Variants in NELL1 observed in about 807,000 individuals in gnomAD.
NELL1 encodes neural EGFL like 1.
Under a neutral mutation model 107.4 loss-of-function variants are expected in NELL1, and 76 were observed. The ratio of observed to expected loss-of-function variants is 0.71; its 90% CI spans 0.59 to 0.86. The LOEUF (loss-of-function observed/expected upper bound fraction) is 0.86. Ranked by LOEUF, NELL1 falls within the 40% of genes least tolerant of loss-of-function variation. The pLI, the probability that NELL1 is intolerant of heterozygous loss-of-function variation, is 0.00. For missense variants in NELL1, 1,024 were observed against 1,005.5 expected (o/e 1.02, Z -0.25); for synonymous variants, 353 against 341.2 (o/e 1.03, Z -0.38).
At chr11:21,192,478 G>T (rs1241891726) in intron 13 of NELL1, among the ~76,000 whole-genome samples, 1 of 151,780 alleles carries the variant, frequency 6.6e-6, no homozygotes, top group Admixed American at 6.6e-5. Flanking sequence ...CTTTACTGAG[G>T]TCAGTAAGTG....
chr11:20,755,877 T>G (rs796186659), intron 2 of NELL1, among the ~76,000 whole-genome samples: 26 of 5,160 alleles, frequency 5.0e-3, no homozygotes, highest in East Asian at 0.018. Flanking sequence ...TTTTTTTTTT[T>G]TTTTTTTTTT....
chr11:21,220,555 A>G (rs1206264928), intron 13 of NELL1, among the ~76,000 whole-genome samples: 3 of 151,798 alleles, frequency 2.0e-5, no homozygotes, highest in Non-Finnish European at 2.9e-5. Flanking sequence ...TCTTTTATCA[A>G]TGTTTTGTAG....
intron 2 of NELL1, among the ~76,000 whole-genome samples, chr11:20,702,588 A>C (rs1854823210): frequency 6.6e-6 from 1 of 152,034 alleles, no homozygotes; most frequent in Non-Finnish European, 1.5e-5. Flanking sequence ...CTCTTGTGCC[A>C]GTTTTCAAAC....
At chr11:20,740,255 C>T (rs1226688619) in intron 2 of NELL1, among the ~76,000 whole-genome samples, 2 of 152,152 alleles carry the variant, frequency 1.3e-5, no homozygotes, top group African/African-American at 4.8e-5. Context: ...TCCTAGTCCA[C>T]ACTCTTGATC....
intron 14 of NELL1, among the ~76,000 whole-genome samples, chr11:21,342,655 A>AAAG (rs1850598620): frequency 6.8e-6 from 1 of 147,970 alleles, no homozygotes; most frequent in Non-Finnish European, 1.5e-5. Context: ...AAAAAAAAAA[A>AAAG]AAAGAAAAAG....
intron 15 of NELL1, among the ~76,000 whole-genome samples, chr11:21,480,496 C>T (rs1489003429): frequency 6.6e-6 from 1 of 152,188 alleles, no homozygotes; most frequent in African/African-American, 2.4e-5. Context: ...GCTGTTCATT[C>T]AGCTTCACAG....
intron 12 of NELL1, among the ~76,000 whole-genome samples, chr11:21,101,524 C>G (rs529320544): frequency 6.6e-6 from 1 of 152,004 alleles, no homozygotes; most frequent in Non-Finnish European, 1.5e-5. Flanking sequence ...TTTTAATGAT[C>G]GCCATTCTAA....
intron 13 of NELL1, among the ~76,000 whole-genome samples, chr11:21,197,004 T>G (rs1157040993): frequency 6.6e-6 from 1 of 151,684 alleles, no homozygotes; most frequent in Non-Finnish European, 1.5e-5. Flanking sequence ...CCCAAGTAGC[T>G]GGGACTACAG....
At chr11:21,530,876 T>C (rs546363136) in intron 15 of NELL1, among the ~76,000 whole-genome samples, 32 of 152,292 alleles carry the variant, frequency 2.1e-4, no homozygotes, top group South Asian at 1.4e-3. Context: ...TTTCATTCAA[T>C]CTACCAGTCA....
Position 21,202,642 on chromosome 11 carries a change from C to G in NELL1, c.1427-26690C>G, listed in dbSNP as rs181001607. 1.1e-3 allele frequency among the ~76,000 whole-genome samples: 170 copies of G among 152,176 alleles called. 1 individual carries two copies. The highest frequency in any genetic ancestry group is 1.9e-3 in the Non-Finnish European group (128 of 67,994). ...CTAACTCCTTCAGTTCTGCTCTGAT[C>G]TTAGTTATTTCTCATCTTCTGCTAG... On this transcript the variant is annotated intron_variant, in intron 13 of 19. Coordinates refer to ENST00000357134, the MANE Select transcript of NELL1 (RefSeq NM_006157.5).
chr11:21,048,140 T>TTC (rs886247667), intron 12 of NELL1, among the ~76,000 whole-genome samples: 11 of 152,036 alleles, frequency 7.2e-5, no homozygotes, highest in African/African-American at 2.4e-4. Context: ...CCATTTTTTT[T>TTC]TCCTTAACTC....
Position 21,407,836 on chromosome 11 carries a change from A to G in NELL1, c.1645+36888A>G, listed in dbSNP as rs928031085. Among the ~76,000 whole-genome samples, 13 of 151,082 alleles carry G rather than the reference A, an allele frequency of 8.6e-5. 1 individual carries two copies. Among genetic ancestry groups the G allele is most frequent in the Admixed American group, 5.9e-4 (9 of 15,164 alleles). On this transcript the variant is annotated intron_variant, in intron 15 of 19. Coordinates refer to ENST00000357134, the MANE Select transcript of NELL1 (RefSeq NM_006157.5). ...TTTGTTTCTACAGTATCCTTTATCT[A>G]AAAAAAATTTTCCTTTTCTTTGCCA... is the stretch of plus-strand genomic sequence containing the variant.
At chr11:21,076,877 A>G (rs1955064) in intron 12 of NELL1, among the ~76,000 whole-genome samples, 30 of 152,176 alleles carry the variant, frequency 2.0e-4, no homozygotes, top group Non-Finnish European at 3.2e-4. Context: ...TACACGCTGA[A>G]TCCCCTTCCC....
chr11:20,998,084 A>G (rs1852131218), intron 12 of NELL1, among the ~76,000 whole-genome samples: 3 of 152,236 alleles, frequency 2.0e-5, no homozygotes, highest in South Asian at 2.1e-4. Context: ...TCTTGTTACA[A>G]TCTTCTTAAA....
chr11:20,741,960 A>T (rs1413436675), intron 2 of NELL1, among the ~76,000 whole-genome samples: 1 of 152,188 alleles, frequency 6.6e-6, no homozygotes, highest in Non-Finnish European at 1.5e-5. Flanking sequence ...TCAGGAGATT[A>T]GGCATTCTGC....
chr11:21,131,868 T>G (rs1326785907), intron 13 of NELL1, among the ~76,000 whole-genome samples: 1 of 152,184 alleles, frequency 6.6e-6, no homozygotes, highest in Non-Finnish European at 1.5e-5. Context: ...AATGATGTTT[T>G]ATTAACCACT....
chr11:21,394,539 T>A (rs572750137), intron 15 of NELL1, among the ~76,000 whole-genome samples: 46 of 151,594 alleles, frequency 3.0e-4, no homozygotes, highest in Middle Eastern at 3.4e-3. Flanking sequence ...ATGCAGCTCT[T>A]ATTAGCAGAA....
At chr11:21,162,997 G>T (rs1856405699) in intron 13 of NELL1, among the ~76,000 whole-genome samples, 1 of 152,188 alleles carries the variant, frequency 6.6e-6, no homozygotes, top group African/African-American at 2.4e-5. Context: ...AATTTTAAAT[G>T]ATTGCACTGA....
chr11:20,961,453 TA>T (rs908061401), intron 12 of NELL1, among the ~76,000 whole-genome samples: 26 of 152,302 alleles, frequency 1.7e-4, no homozygotes, highest in African/African-American at 6.3e-4. Context: ...TCATTAATAA[TA>T]CCTTGCACCA....
Sources: gnomAD v4.1 joint callset for allele counts (sites outside exome capture counted in the v4.1 genomes callset) on GRCh38, gnomAD v4.1.1 for gene constraint, MANE v1.5 for transcripts, NCBI Gene and HGNC (gene_info 2026-07-23, HGNC 2026-07-21) for gene names.